The following SRP72 variants were observed in gnomAD, a reference collection of about 807,000 sequenced individuals.
SRP72 encodes the protein signal recognition particle 72, also known as signal recognition particle subunit SRP72.
Under a neutral mutation model 96.3 loss-of-function variants are expected in SRP72, and 49 were observed. The ratio of observed to expected loss-of-function variants is 0.51; its 90% CI spans 0.40 to 0.65. The LOEUF (loss-of-function observed/expected upper bound fraction) is 0.65. SRP72 is among the 30% of genes least tolerant of loss of function. SRP72 has a pLI of 0.00. For missense variants in SRP72, 736 were observed against 793.3 expected (o/e 0.93, Z 0.87); for synonymous variants, 267 against 275.2 (o/e 0.97, Z 0.30).
Position 56,490,402 on chromosome 4 carries a change from A to G in SRP72, c.1390A>G (p.Lys464Glu). 1.2e-6 allele frequency: 2 copies of G among 1,614,070 alleles called. No homozygotes were observed. Among genetic ancestry groups the G allele is most frequent in the South Asian group, 1.1e-5 (1 of 91,046 alleles). Reference protein sequence around the residue: ...ANFKLKYGRKKEAISDLQQLW... With the variant: ...ANFKLKYGRKEEAISDLQQLW... ...CTTCAAACTCAAATATGGGCGGAAG[A>G]AGGAGGCAATTAGTGACCTACAACA... The change falls in exon 14 of 19, where the codon AAG (lysine) becomes GAG (glutamate). Residue 464 changes from lysine (K) to glutamate (E), a missense_variant. Lys to Glu is a moderately conservative substitution (Grantham distance 56). Transcript: ENST00000642900.
At chr4:56,490,215 A>T (rs1720859298) in intron 13 of SRP72, 118 bp from the exon 14 acceptor site, 3 of 729,162 alleles carry the variant, frequency 4.1e-6, no homozygotes, top group Non-Finnish European at 6.7e-6. Context: ...ATTCAGTGAA[A>T]CTTAAGATGA....
rs376763992 is a variant in SRP72, at chr4:56,488,708, T to C, written c.1225-680T>C. Among the ~76,000 whole-genome samples, 9 of 152,360 alleles carry C rather than the reference T, an allele frequency of 5.9e-5. No individual in the cohort carries two copies. In the East Asian group the frequency reaches 1.5e-3, roughly 26 times the overall value. ...CATTTCATTTAGGTTGCTGACTTTA[T>C]TGGCATAAAAGTTCTTCATTTTATT... On this transcript the variant is annotated intron_variant, in intron 12 of 18. Coordinates refer to ENST00000642900, the MANE Select transcript of SRP72 (RefSeq NM_006947.4).
intron 9 of SRP72, among the ~76,000 whole-genome samples, chr4:56,483,487 C>T (rs900684623): frequency 1.3e-4 from 20 of 151,936 alleles, no homozygotes; most frequent in Middle Eastern, 3.4e-3. Context: ...TTGAAGTGGG[C>T]GGAATGCCTG....
Position 56,490,450 on chromosome 4 carries a change from C to G in SRP72, c.1424+14C>G, listed in dbSNP as rs1003615980. The stretch of plus-strand genomic sequence containing the variant: ...ACAGCTGTGGAAGTAAGCTCTGAAA[C>G]GTGGAGTTGTAGAAATAACACATTT... On this transcript the variant is annotated intron_variant, in intron 14 of 18. Coordinates refer to ENST00000642900, the MANE Select transcript of SRP72 (RefSeq NM_006947.4). 3.7e-6 allele frequency: 6 copies of G among 1,610,506 alleles called. No homozygotes were observed. Among genetic ancestry groups the G allele is most frequent in the African/African-American group, 1.3e-5 (1 of 74,746 alleles).
chr4:56,477,625 A>T (rs919858769), intron 6 of SRP72, among the ~76,000 whole-genome samples: 5 of 152,066 alleles, frequency 3.3e-5, no homozygotes, highest in Non-Finnish European at 5.9e-5. Context: ...TTTAAGTTTT[A>T]TCATTTCCTC....
At chr4:56,496,508 C>A (rs1721076025) in intron 17 of SRP72, among the ~76,000 whole-genome samples, 1 of 152,148 alleles carries the variant, frequency 6.6e-6, no homozygotes, top group Non-Finnish European at 1.5e-5. Flanking sequence ...ATTAGTAATA[C>A]TGCAAGGAAA....
chr4:56,469,692 G>T lies in SRP72; in HGVS notation c.149G>T (p.Cys50Phe). Reference protein sequence around the residue: ...INKDDVTALHCKVVCLIQNGS... With the variant: ...INKDDVTALHFKVVCLIQNGS... ...AAAGATGACGTAACTGCCCTGCATTGTAAAGTGGTATGCCTTATCCAGAAT... is the reference window on the plus strand; with the variant it reads ...AAAGATGACGTAACTGCCCTGCATTTTAAAGTGGTATGCCTTATCCAGAAT... Residue 50 changes from cysteine (C) to phenylalanine (F), a missense_variant, in exon 2 of 19, where the codon TGT becomes TTT. By Grantham distance (205) the Cys-to-Phe change is radical. Coordinates refer to ENST00000642900, the MANE Select transcript of SRP72 (RefSeq NM_006947.4). The T allele has an allele frequency of 1.9e-6, 3 of 1,612,168 alleles. No individual in the cohort carries two copies. The highest frequency in any genetic ancestry group is 2.5e-6 in the Non-Finnish European group (3 of 1,178,592).
chr4:56,479,219 G>T (rs186769878), intron 8 of SRP72, among the ~76,000 whole-genome samples: 1 of 151,676 alleles, frequency 6.6e-6, no homozygotes, highest in South Asian at 2.1e-4. Flanking sequence ...TCGCTCTGTC[G>T]CCCGGACTGG....
intron 3 of SRP72, among the ~76,000 whole-genome samples, chr4:56,472,294 A>G (rs1720005964): frequency 2.0e-5 from 3 of 151,968 alleles, no homozygotes; most frequent in Admixed American, 2.0e-4. Context: ...GCTGTTAATG[A>G]CAAGAGGACA....
Position 56,486,752 on chromosome 4 carries a change from G to A in SRP72, c.1159+355G>A, listed in dbSNP as rs546848572. Among the ~76,000 whole-genome samples the A allele has an allele frequency of 4.6e-5, 7 of 152,258 alleles. No homozygotes were observed. The South Asian group carries it at 1.2e-3, about 27-fold the overall frequency. ...TTGGTAATATTTGTACGACTACTTT[G>A]CATCATAGTTTTCAGAATTTCTTAG... On this transcript the variant is annotated intron_variant, in intron 11 of 18. Transcript: ENST00000642900.
chr4:56,501,143 C>T (rs1262998367), intron 18 of SRP72, among the ~76,000 whole-genome samples: 1 of 152,190 alleles, frequency 6.6e-6, no homozygotes, highest in East Asian at 1.9e-4. Flanking sequence ...CGCAGTGGCT[C>T]ACGCCTGTAA....
chr4:56,481,519 A>T (rs964376280), intron 8 of SRP72, among the ~76,000 whole-genome samples: 1 of 152,026 alleles, frequency 6.6e-6, no homozygotes, highest in Non-Finnish European at 1.5e-5. Context: ...GAGCTTCTTT[A>T]TGCTTTTGCT....
chr4:56,487,438 ATTAT>A (rs1720752646), intron 11 of SRP72, among the ~76,000 whole-genome samples: 1 of 151,430 alleles, frequency 6.6e-6, no homozygotes, highest in Non-Finnish European at 1.5e-5. Flanking sequence ...TTTTTCAAGG[ATTAT>A]TTATTATCTT....
intron 8 of SRP72, among the ~76,000 whole-genome samples, chr4:56,478,967 A>G (rs1279841999): frequency 6.6e-6 from 1 of 152,130 alleles, no homozygotes; most frequent in Non-Finnish European, 1.5e-5. Context: ...AAGTATACGC[A>G]TGTTTTATAT....
Position 56,499,836 on chromosome 4 carries a change from A to AC in SRP72, c.1679-698dup, listed in dbSNP as rs1319345665. Reference sequence around the variant, plus strand: ...TCCTCAAGGACCTAGAACCAGAAATACCATTTAACCCAGCAGTCGCATTAC... The same window carrying AC: ...TCCTCAAGGACCTAGAACCAGAAATACCCATTTAACCCAGCAGTCGCATTAC... On this transcript the variant is annotated intron_variant, in intron 17 of 18. Transcript: ENST00000642900. Among the ~76,000 whole-genome samples the AC allele has an allele frequency of 2.6e-5, 4 of 151,958 alleles. No homozygotes were observed. The East Asian group carries it at 7.8e-4, about 30-fold the overall frequency.
At chr4:56,487,019 A>C (rs1404874070) in intron 11 of SRP72, among the ~76,000 whole-genome samples, 1 of 152,200 alleles carries the variant, frequency 6.6e-6, no homozygotes, top group East Asian at 1.9e-4. Flanking sequence ...CAGTTCTTTG[A>C]TTATGCTAGC....
chr4:56,484,413 T>C (rs1186180975), intron 9 of SRP72, among the ~76,000 whole-genome samples: 1 of 152,130 alleles, frequency 6.6e-6, no homozygotes, highest in Non-Finnish European at 1.5e-5. Context: ...TATATGCATT[T>C]TGTTGTTTTT....
chr4:56,497,596 T>C (rs1161745281), intron 17 of SRP72, among the ~76,000 whole-genome samples: 1 of 152,172 alleles, frequency 6.6e-6, no homozygotes, highest in Admixed American at 6.5e-5. Context: ...CATTGATAGA[T>C]ATTTAAGTTA....
intron 8 of SRP72, among the ~76,000 whole-genome samples, chr4:56,482,414 C>T (rs1720536656): frequency 6.6e-6 from 1 of 151,058 alleles, no homozygotes; most frequent in South Asian, 2.1e-4. Context: ...TGCCACTGCT[C>T]TCCAGCCTGG....
Sources: gnomAD v4.1 joint callset for allele counts (sites outside exome capture counted in the v4.1 genomes callset) on GRCh38, gnomAD v4.1.1 for gene constraint, MANE v1.5 for transcripts, NCBI Gene and HGNC (gene_info 2026-07-23, HGNC 2026-07-21) for gene names.